ICA1: variants seen among roughly 807,000 people sequenced by gnomAD.
The protein encoded by ICA1 is islet cell autoantigen 1.
A neutral mutation model predicts 71.0 loss-of-function variants in ICA1; 40 were observed. The observed-to-expected ratio is 0.56, with a 90% CI of 0.44 to 0.73. The LOEUF is 0.73. Among genes scored for constraint, ICA1 ranks in the 30% least tolerant of loss-of-function variants. The pLI is 0.00. For missense variants in ICA1, 578 were observed against 576.5 expected (o/e 1.00, Z -0.03); for synonymous variants, 207 against 209.5 (o/e 0.99, Z 0.10).
At chr7:8,151,744 C>G (rs967876711) in intron 8 of ICA1, among the ~76,000 whole-genome samples, 4 of 152,072 alleles carry the variant, frequency 2.6e-5, no homozygotes, top group Admixed American at 2.6e-4. Flanking sequence ...AAGAAGGCTG[C>G]GAGGCATATG....
chr7:8,199,760 A>G (rs1473446012), intron 6 of ICA1, among the ~76,000 whole-genome samples: 1 of 152,184 alleles, frequency 6.6e-6, no homozygotes, highest in East Asian at 1.9e-4. Context: ...GTTTGCAACA[A>G]CATGGATGGA....
intron 3 of ICA1, among the ~76,000 whole-genome samples, chr7:8,232,240 T>TA (rs1800483793): frequency 6.6e-6 from 1 of 152,218 alleles, no homozygotes; most frequent in Non-Finnish European, 1.5e-5. Context: ...GTTCTTCTTT[T>TA]AAAAAAATTT....
At chr7:8,250,908 AT>A (rs912168274) in intron 1 of ICA1, among the ~76,000 whole-genome samples, 31 of 150,696 alleles carry the variant, frequency 2.1e-4, no homozygotes, top group Admixed American at 9.9e-4. Context: ...TATTAAAGAA[AT>A]TTTTTTTTTG....
chr7:8,145,780 TATAG>T (rs1373900473), intron 8 of ICA1, among the ~76,000 whole-genome samples: 1 of 122,364 alleles, frequency 8.2e-6, no homozygotes, highest in Non-Finnish European at 1.8e-5. Flanking sequence ...ATATAAAATA[TATAG>T]AGAGACAGTA....
intron 6 of ICA1, among the ~76,000 whole-genome samples, chr7:8,175,492 C>T (rs949238227): frequency 1.3e-5 from 2 of 151,788 alleles, no homozygotes; most frequent in African/African-American, 2.4e-5. Flanking sequence ...ATACTCCCTT[C>T]GCATGCATGA....
chr7:8,164,696 A>G (rs1805246954), intron 6 of ICA1, among the ~76,000 whole-genome samples: 1 of 152,202 alleles, frequency 6.6e-6, no homozygotes, highest in African/African-American at 2.4e-5. Context: ...AAATTTTAAG[A>G]TCACTGAATA....
chr7:8,252,889 T>G (rs1028038219), intron 1 of ICA1, among the ~76,000 whole-genome samples: 3 of 152,210 alleles, frequency 2.0e-5, no homozygotes, highest in Non-Finnish European at 4.4e-5. Flanking sequence ...AGTTTTTGTT[T>G]GTTTTGAGAC....
chr7:8,219,362 C>T (rs559344997), intron 5 of ICA1, among the ~76,000 whole-genome samples: 45 of 152,312 alleles, frequency 3.0e-4, no homozygotes, highest in African/African-American at 1.0e-3. Flanking sequence ...ATTTAAATTT[C>T]AATTTAAATG....
intron 6 of ICA1, among the ~76,000 whole-genome samples, chr7:8,170,441 T>G (rs973532967): frequency 7.9e-5 from 12 of 152,060 alleles, no homozygotes; most frequent in African/African-American, 2.9e-4. Context: ...AATTGACATC[T>G]TAATATCTTC....
intron 6 of ICA1, among the ~76,000 whole-genome samples, chr7:8,169,742 AATTC>A (rs1487252844): frequency 1.3e-5 from 2 of 152,058 alleles, no homozygotes; most frequent in Admixed American, 6.6e-5. Context: ...TCTAAATACA[AATTC>A]ATTATCAGAC....
At chr7:8,162,202 G>A (rs180743278) in intron 6 of ICA1, among the ~76,000 whole-genome samples, 177 of 152,242 alleles carry the variant, frequency 1.2e-3, no homozygotes, top group Middle Eastern at 3.4e-3. Flanking sequence ...ATGAATTAGC[G>A]TAGTTTGAAA....
At chr7:8,220,545 G>C (rs1414155682) in intron 5 of ICA1, among the ~76,000 whole-genome samples, 1 of 152,192 alleles carries the variant, frequency 6.6e-6, no homozygotes, top group Non-Finnish European at 1.5e-5. Context: ...GTTACTGGGA[G>C]AGAAGGGAAC....
intron 1 of ICA1, among the ~76,000 whole-genome samples, chr7:8,239,833 C>T (rs925006331): frequency 2.6e-5 from 4 of 152,226 alleles, no homozygotes; most frequent in African/African-American, 9.6e-5. Flanking sequence ...GAGGTGTCAG[C>T]CTAGCTGGGG....
chr7:8,119,196 T>C (rs925752270), intron 13 of ICA1, among the ~76,000 whole-genome samples: 2 of 152,202 alleles, frequency 1.3e-5, no homozygotes, highest in African/African-American at 4.8e-5. Flanking sequence ...TATGGTCCTC[T>C]GACAGAGTTC....
chr7:8,162,920 C>T (rs925120876), intron 6 of ICA1, among the ~76,000 whole-genome samples: 9 of 152,140 alleles, frequency 5.9e-5, no homozygotes, highest in African/African-American at 1.2e-4. Flanking sequence ...TGCGCCACCA[C>T]GCCTGGCTAA....
chr7:8,236,038 C>A (rs1293163721), intron 1 of ICA1, 33 bp from the exon 2 acceptor site: 2 of 1,124,428 alleles, frequency 1.8e-6, no homozygotes. Flanking sequence ...AATAGTTACA[C>A]ACCATATTAT....
At chr7:8,136,359 C>A (rs1387383954) in intron 12 of ICA1, among the ~76,000 whole-genome samples, 1 of 152,180 alleles carries the variant, frequency 6.6e-6, no homozygotes, top group Non-Finnish European at 1.5e-5. Flanking sequence ...CTTTTTATTT[C>A]TTGACTGTTT....
At chr7:8,254,229 G>C (rs138951721) in intron 1 of ICA1, among the ~76,000 whole-genome samples, 18 of 152,228 alleles carry the variant, frequency 1.2e-4, no homozygotes, top group South Asian at 8.3e-4. Context: ...TTTATAAAAT[G>C]TGTATGCTGT....
intron 6 of ICA1, among the ~76,000 whole-genome samples, chr7:8,171,848 A>C (rs1808485564): frequency 6.6e-6 from 1 of 151,972 alleles, no homozygotes; most frequent in Admixed American, 6.6e-5. Flanking sequence ...TTCCCTCGTG[A>C]CATCTTCTTT....
Sources: allele counts gnomAD v4.1 joint callset (sites outside exome capture counted in the v4.1 genomes callset), GRCh38; gene constraint gnomAD v4.1.1; transcripts MANE v1.5; gene names NCBI Gene and HGNC (gene_info 2026-07-23, HGNC 2026-07-21).